PP2D1: variants seen among roughly 807,000 people sequenced by gnomAD.
The protein encoded by PP2D1 is protein phosphatase 2C like domain containing 1.
PP2D1 carries 25 observed loss-of-function variants against 30.2 expected under a neutral mutation model. That is an observed-to-expected ratio of 0.83 (90% CI 0.60 to 1.16). The LOEUF (loss-of-function observed/expected upper bound fraction) is 1.16, where lower values mean the gene tolerates loss of function less well. Ranked by LOEUF, PP2D1 falls within the 50% of genes most tolerant of loss-of-function variation. PP2D1 has a pLI of 0.00. For synonymous variants in PP2D1, 260 were observed against 258.9 expected (o/e 1.00, Z -0.04); for missense variants, 760 against 742.4 (o/e 1.02, Z -0.28).
At chr3:19,991,136 C>T (rs1049827484) in intron 2 of PP2D1, among the ~76,000 whole-genome samples, 7 of 152,100 alleles carry the variant, frequency 4.6e-5, no homozygotes, top group African/African-American at 9.7e-5. Flanking sequence ...GGAAGAGCAA[C>T]GTGTTTAGGA....
At chr3:19,988,833 C>T (rs991841880) in intron 2 of PP2D1, among the ~76,000 whole-genome samples, 4 of 152,084 alleles carry the variant, frequency 2.6e-5, no homozygotes, top group East Asian at 3.9e-4. Context: ...GGTGGTTCCC[C>T]CGATAGGGCA....
At chr3:19,983,123 G>A (rs1204910599), downstream of PP2D1, among the ~76,000 whole-genome samples, 1 of 152,102 alleles carries the variant, frequency 6.6e-6, no homozygotes, top group African/African-American at 2.4e-5. Flanking sequence ...GATCACCTGA[G>A]GTCAGGAGTT....
chr3:20,012,195 T>A lies in PP2D1; in HGVS notation c.-123A>T. On this transcript the variant is annotated 5_prime_UTR_variant, in exon 1 of 3. Transcript: ENST00000389050. ...GTGAATGTGATGGCTGTGGCAGAAG[T>A]AGTGGTGATGGTGATGATAGCGATG... 2 of 768,468 alleles carry A rather than the reference T, an allele frequency of 2.6e-6. No homozygotes were observed. The highest frequency in any genetic ancestry group is 4.2e-6 in the Non-Finnish European group (2 of 472,816). 47.6% of individuals were successfully genotyped at this position (768,468 alleles called of 1,614,324 possible). A position where few individuals can be genotyped will look rare whatever the true frequency, so the allele number is the denominator to read the frequency against.
At chr3:19,990,450 G>A (rs970869557) in intron 2 of PP2D1, among the ~76,000 whole-genome samples, 23 of 152,298 alleles carry the variant, frequency 1.5e-4, no homozygotes, top group Non-Finnish European at 2.6e-4. Context: ...GCACCCAGCA[G>A]CACATTGTTT....
intron 2 of PP2D1, among the ~76,000 whole-genome samples, chr3:19,997,772 C>A (rs1045522679): frequency 1.3e-5 from 2 of 152,108 alleles, no homozygotes; most frequent in Non-Finnish European, 2.9e-5. Context: ...GAAAGACAAA[C>A]ATTACATGTT....
At chr3:20,006,980 T>C (rs1697325617) in intron 1 of PP2D1, among the ~76,000 whole-genome samples, 2 of 141,012 alleles carry the variant, frequency 1.4e-5, no homozygotes, top group South Asian at 2.5e-4. Flanking sequence ...TATACACACA[T>C]ATATATGTAT....
intron 2 of PP2D1, among the ~76,000 whole-genome samples, chr3:19,988,835 G>C (rs955823231): frequency 1.3e-5 from 2 of 152,120 alleles, no homozygotes; most frequent in Non-Finnish European, 2.9e-5. Flanking sequence ...TGGTTCCCCC[G>C]ATAGGGCATG....
chr3:19,986,061 A>T lies in PP2D1; in HGVS notation c.1212T>A (p.Asn404Lys), dbSNP rs1441854848. The change falls in exon 3 of 3, where the codon AAT becomes AAA. Residue 404 changes from asparagine to lysine, a missense_variant. This residue lies in a region of PP2D1 where 369 missense variants were observed against 316.2 expected (regional missense o/e 1.17). Coordinates refer to ENST00000389050, the MANE Select transcript of PP2D1 (RefSeq NM_001252657.2). Reference protein sequence around the residue: ...ILQNGAVISSNEPYGLVEGQV... With the variant: ...ILQNGAVISSKEPYGLVEGQV... The stretch of plus-strand genomic sequence containing the variant: ...GCCCCTCTACAAGCCCGTATGGTTC[A>T]TTTGAACTAATGACTGCTCCATTCT... The T allele has an allele frequency of 6.5e-7, 1 of 1,536,070 alleles. No individual in the cohort carries two copies. Among genetic ancestry groups the T allele is most frequent in the Admixed American group, 2.0e-5 (1 of 50,998 alleles).
chr3:20,010,043 G>C (rs1697366700), intron 1 of PP2D1, among the ~76,000 whole-genome samples: 1 of 151,980 alleles, frequency 6.6e-6, no homozygotes, highest in Admixed American at 6.6e-5. Flanking sequence ...AGCTTCGACT[G>C]TCATCAATAT....
At chr3:19,998,302 C>G (rs1408184206) in intron 2 of PP2D1, among the ~76,000 whole-genome samples, 1 of 151,748 alleles carries the variant, frequency 6.6e-6, no homozygotes, top group Non-Finnish European at 1.5e-5. Context: ...TGCACTCCAG[C>G]CTAGGCAACA....
At chr3:19,983,648 G>C, downstream of PP2D1, 1 of 1,122,736 alleles carries the variant, frequency 8.9e-7, no homozygotes, top group Non-Finnish European at 1.3e-6. Context: ...AGATAAGCAG[G>C]TGAAACTGAT....
At chr3:19,986,270 T>C in intron 2 of PP2D1, 88 bp from the exon 3 acceptor site, 1 of 967,212 alleles carries the variant, frequency 1.0e-6, no homozygotes, top group Non-Finnish European at 1.5e-6. Flanking sequence ...GTAAATTCTG[T>C]GTTTCAATGC....
intron 1 of PP2D1, among the ~76,000 whole-genome samples, chr3:20,011,159 C>A (rs535930368): frequency 6.6e-6 from 1 of 152,184 alleles, no homozygotes; most frequent in African/African-American, 2.4e-5. Context: ...AGTTAGCCGG[C>A]AGAAGGAGCA....
chr3:19,982,865 A>G (rs1424864428), downstream of PP2D1, among the ~76,000 whole-genome samples: 1 of 152,130 alleles, frequency 6.6e-6, no homozygotes, highest in Non-Finnish European at 1.5e-5. Context: ...ATTCGGGGTG[A>G]TAATTAGTTG....
At chr3:19,982,853 C>A (rs1254136044), downstream of PP2D1, among the ~76,000 whole-genome samples, 2 of 151,890 alleles carry the variant, frequency 1.3e-5, no homozygotes, top group Non-Finnish European at 2.9e-5. Context: ...TGATCTATCA[C>A]AATTCGGGGT....
At chr3:20,006,239 CTG>C (rs924229564) in intron 1 of PP2D1, among the ~76,000 whole-genome samples, 4 of 152,196 alleles carry the variant, frequency 2.6e-5, no homozygotes, top group African/African-American at 9.6e-5. Flanking sequence ...GAGCGAGACA[CTG>C]TTCAAAAACA....
At chr3:19,981,753 G>C (rs79711466), downstream of PP2D1, among the ~76,000 whole-genome samples, 1 of 152,128 alleles carries the variant, frequency 6.6e-6, no homozygotes, top group Non-Finnish European at 1.5e-5. Flanking sequence ...CCAGAGAACA[G>C]CCACTAGCTG....
Position 20,001,018 on chromosome 3 carries a change from C to CA in PP2D1, c.1090+11dup. 7.5e-7 allele frequency: 1 copy of CA among 1,330,578 alleles called. No individual in the cohort carries two copies. The highest frequency in any genetic ancestry group is 1.5e-5 in the African/African-American group (1 of 68,516). 82.4% of individuals were successfully genotyped at this position (1,330,578 alleles called of 1,614,324 possible). On this transcript the variant is annotated intron_variant, in intron 2 of 2. Coordinates refer to ENST00000389050, the MANE Select transcript of PP2D1 (RefSeq NM_001252657.2). ...CATAAAGGTGTTATTTGGTGCTATTCAATGTACATACCAGTGTTTGCAACA... is the reference window on the plus strand; with the variant it reads ...CATAAAGGTGTTATTTGGTGCTATTCAAATGTACATACCAGTGTTTGCAACA...
At chr3:20,004,840 C>T (rs960550559) in intron 1 of PP2D1, among the ~76,000 whole-genome samples, 80 of 152,242 alleles carry the variant, frequency 5.3e-4, no homozygotes, top group African/African-American at 1.6e-3. Context: ...GGTGCAGTGG[C>T]TCATACCTAT....
Sources: gnomAD v4.1 joint callset for allele counts (sites outside exome capture counted in the v4.1 genomes callset) on GRCh38, gnomAD v4.1.1 for gene constraint, gnomAD v4.1.1 regional missense constraint, MANE v1.5 for transcripts, NCBI Gene and HGNC (gene_info 2026-07-23, HGNC 2026-07-21) for gene names.